Variants in FBXL7 observed in about 807,000 individuals in gnomAD.
FBXL7 encodes F-box/LRR-repeat protein 7.
A neutral mutation model predicts 38.3 loss-of-function variants in FBXL7; 12 were observed. That is an observed-to-expected ratio of 0.31 (90% CI 0.20 to 0.51). The LOEUF is 0.51. Among genes scored for constraint, FBXL7 ranks in the 20% least tolerant of loss-of-function variants. The pLI, the probability that FBXL7 is intolerant of heterozygous loss-of-function variation, is 0.98. For synonymous variants in FBXL7, 297 were observed against 300.9 expected (o/e 0.99, Z 0.13); for missense variants, 567 against 676.4 (o/e 0.84, Z 1.79).
chr5:15,581,133 AT>A (rs1330398839), intron 1 of FBXL7, among the ~76,000 whole-genome samples: 1 of 152,218 alleles, frequency 6.6e-6, no homozygotes, highest in Non-Finnish European at 1.5e-5. Flanking sequence ...AGTTCAATAT[AT>A]TGATCCATTT....
chr5:15,687,448 G>A lies in FBXL7; in HGVS notation c.127+71376G>A, dbSNP rs548868710. ...TCACACCTTTGTTCTCCATCAAAGA[G>A]GCCCACATGCACTCACTGTTCCCAA... On this transcript the variant is annotated intron_variant, in intron 2 of 3. Transcript: ENST00000504595. Among the ~76,000 whole-genome samples, 4 of 152,316 alleles carry A rather than the reference G, an allele frequency of 2.6e-5. No homozygotes were observed. The South Asian group carries it at 8.3e-4, about 32-fold the overall frequency.
chr5:15,912,223 C>T (rs1175373984), intron 2 of FBXL7, among the ~76,000 whole-genome samples: 1 of 65,186 alleles, frequency 1.5e-5, no homozygotes, highest in Admixed American at 1.8e-4. Context: ...GATATAGTCT[C>T]GTGGTGCGCC....
At chr5:15,538,616 G>A (rs867663964) in intron 1 of FBXL7, among the ~76,000 whole-genome samples, 1 of 152,168 alleles carries the variant, frequency 6.6e-6, no homozygotes, top group Admixed American at 6.5e-5. Flanking sequence ...GCATTCATGA[G>A]CTCAGAATAT....
At chr5:15,710,574 A>T (rs766890425) in intron 2 of FBXL7, among the ~76,000 whole-genome samples, 69 of 152,300 alleles carry the variant, frequency 4.5e-4, no homozygotes, top group South Asian at 6.2e-4. Flanking sequence ...ATTTTGATTA[A>T]TGTCTCTCTC....
At chr5:15,630,740 A>G (rs1464211605) in intron 2 of FBXL7, among the ~76,000 whole-genome samples, 2 of 152,264 alleles carry the variant, frequency 1.3e-5, no homozygotes, top group East Asian at 3.9e-4. Flanking sequence ...AATCTCAGAA[A>G]TTTACAAAGG....
chr5:15,698,076 T>C (rs1743395409), intron 2 of FBXL7, among the ~76,000 whole-genome samples: 1 of 152,234 alleles, frequency 6.6e-6, no homozygotes, highest in African/African-American at 2.4e-5. Context: ...TTTTAATGCA[T>C]CTTCCAGAGG....
chr5:15,501,293 C>A (rs1736479020), intron 1 of FBXL7: 3 of 416,436 alleles, frequency 7.2e-6, no homozygotes, highest in African/African-American at 4.3e-5. Flanking sequence ...CCATCTGTTA[C>A]GTGGGGCTGG....
intron 1 of FBXL7, among the ~76,000 whole-genome samples, chr5:15,525,185 G>T (rs977480392): frequency 3.3e-5 from 5 of 152,158 alleles, no homozygotes; most frequent in African/African-American, 1.2e-4. Flanking sequence ...AAAGTGAGTT[G>T]AAAGTTCCTG....
chr5:15,593,503 G>A (rs1006359094), intron 1 of FBXL7, among the ~76,000 whole-genome samples: 3 of 151,954 alleles, frequency 2.0e-5, no homozygotes, highest in Non-Finnish European at 4.4e-5. Context: ...TAGTCTGGGC[G>A]ACAGAGGTAG....
At chr5:15,739,513 A>G (rs564641792) in intron 2 of FBXL7, among the ~76,000 whole-genome samples, 8,079 of 152,296 alleles carry the variant, frequency 0.053, 232 homozygotes, top group East Asian at 0.084. Flanking sequence ...TATCACAACA[A>G]GAAATCTCAC....
chr5:15,763,780 G>C (rs186621854), intron 2 of FBXL7, among the ~76,000 whole-genome samples: 23 of 152,284 alleles, frequency 1.5e-4, no homozygotes, highest in African/African-American at 5.5e-4. Context: ...TATCCAGAGA[G>C]AAAGAACCAA....
chr5:15,653,970 A>G (rs1741790419), intron 2 of FBXL7, among the ~76,000 whole-genome samples: 1 of 152,218 alleles, frequency 6.6e-6, no homozygotes, highest in Middle Eastern at 3.2e-3. Flanking sequence ...TGAAAACATT[A>G]AAGACTTTGA....
intron 2 of FBXL7, among the ~76,000 whole-genome samples, chr5:15,839,708 T>A (rs910812311): frequency 4.6e-5 from 7 of 152,210 alleles, no homozygotes; most frequent in African/African-American, 1.4e-4. Flanking sequence ...AGATTTAATA[T>A]TTATTTAATA....
At chr5:15,884,247 ATCT>A (rs1168498127) in intron 2 of FBXL7, among the ~76,000 whole-genome samples, 1 of 124,544 alleles carries the variant, frequency 8.0e-6, no homozygotes, top group Non-Finnish European at 1.7e-5. Context: ...GGATCAGGGA[ATCT>A]TCTTTCTTTC....
In FBXL7 at chr5:15,792,897, G is replaced by A. The variant is rs80231603; in HGVS notation, c.128-134993G>A. 5.8e-3 allele frequency among the ~76,000 whole-genome samples: 879 copies of A among 152,242 alleles called. 4 individuals carry two copies. Among genetic ancestry groups the A allele is most frequent in the Non-Finnish European group, 8.1e-3 (552 of 68,008 alleles). On this transcript the variant is annotated intron_variant, in intron 2 of 3. Transcript: ENST00000504595. ...CCCAACCCTATAGTCCATCTTCTGC[G>A]GCACCTGTAGTCTAGCTGGATGACA...
Position 15,572,609 on chromosome 5 carries a change from G to T in FBXL7, c.38-43374G>T, listed in dbSNP as rs573320621. Among the ~76,000 whole-genome samples, 6 of 152,278 alleles carry T rather than the reference G, an allele frequency of 3.9e-5. No individual in the cohort carries two copies. The East Asian group carries it at 1.2e-3, about 29-fold the overall frequency. ...TGTGGACCAGCAGGCGTAAGGGCCT[G>T]TGTGTGCCTCCATGTGGGAATTTAG... On this transcript the variant is annotated intron_variant, in intron 1 of 3. Coordinates refer to ENST00000504595, the MANE Select transcript of FBXL7 (RefSeq NM_012304.5).
chr5:15,808,420 AG>A (rs1737772803), intron 2 of FBXL7, among the ~76,000 whole-genome samples: 1 of 152,136 alleles, frequency 6.6e-6, no homozygotes, highest in Non-Finnish European at 1.5e-5. Context: ...ATAGCCAATG[AG>A]GGTTTCTTCC....
chr5:15,794,551 G>A (rs1737364727), intron 2 of FBXL7, among the ~76,000 whole-genome samples: 2 of 152,188 alleles, frequency 1.3e-5, no homozygotes, highest in South Asian at 4.1e-4. Context: ...AAATAAAACA[G>A]GAAGACGTGT....
intron 1 of FBXL7, among the ~76,000 whole-genome samples, chr5:15,560,545 G>A (rs977437995): frequency 3.3e-5 from 5 of 152,122 alleles, no homozygotes; most frequent in African/African-American, 7.2e-5. Flanking sequence ...CTCTTTTCAG[G>A]TGCAACTTCC....
Sources: gnomAD v4.1 joint callset for allele counts (sites outside exome capture counted in the v4.1 genomes callset) on GRCh38, gnomAD v4.1.1 for gene constraint, MANE v1.5 for transcripts, NCBI Gene and HGNC (gene_info 2026-07-23, HGNC 2026-07-21) for gene names.